PALM2AKAP2: variants seen among roughly 807,000 people sequenced by gnomAD.
PALM2AKAP2 encodes the protein PALM2 and AKAP2 fusion, also known as PALM2-AKAP2 fusion protein.
A neutral mutation model predicts 71.5 loss-of-function variants in PALM2AKAP2; 37 were observed. That is an observed-to-expected ratio of 0.52 (90% CI 0.40 to 0.68). The LOEUF (loss-of-function observed/expected upper bound fraction) is 0.68. PALM2AKAP2 is among the 30% of genes least tolerant of loss of function. The pLI, the probability that PALM2AKAP2 is intolerant of heterozygous loss-of-function variation, is 0.00. For missense variants in PALM2AKAP2, 1,224 were observed against 1,191.8 expected (o/e 1.03, Z -0.40); for synonymous variants, 468 against 478.8 (o/e 0.98, Z 0.29).
At chr9:109,744,473 C>G (rs1342780019) in intron 1 of PALM2AKAP2, among the ~76,000 whole-genome samples, 2 of 151,968 alleles carry the variant, frequency 1.3e-5, no homozygotes, top group African/African-American at 2.4e-5. Context: ...ATTTTCGGAG[C>G]CTAATTTTCT....
chr9:110,136,422 C>T, exon 2 of PALM2AKAP2: 1 of 1,614,188 alleles, frequency 6.2e-7, no homozygotes. Context: ...GTGCTAGAGG[C>T]CAACTGCTGT....
At chr9:109,649,479 G>C (rs1467486453) in intron 1 of PALM2AKAP2, among the ~76,000 whole-genome samples, 1 of 152,050 alleles carries the variant, frequency 6.6e-6, no homozygotes, top group Non-Finnish European at 1.5e-5. Context: ...TTCTGGCTTG[G>C]CTAGCACATT....
chr9:109,963,091 G>A (rs1211094572), intron 6 of PALM2AKAP2, among the ~76,000 whole-genome samples: 4 of 152,126 alleles, frequency 2.6e-5, no homozygotes, highest in Admixed American at 1.3e-4. Context: ...GGAGGAGTTC[G>A]GTTTGCACTT....
chr9:110,056,677 A>G (rs1458877572), intron 1 of PALM2AKAP2, among the ~76,000 whole-genome samples: 1 of 152,222 alleles, frequency 6.6e-6, no homozygotes, highest in Non-Finnish European at 1.5e-5. Flanking sequence ...GAAAAAATGA[A>G]CAGACTGTAT....
At chr9:110,113,290 G>A (rs1011212208) in intron 1 of PALM2AKAP2, among the ~76,000 whole-genome samples, 2 of 149,616 alleles carry the variant, frequency 1.3e-5, no homozygotes, top group African/African-American at 2.5e-5. Flanking sequence ...CCAGGCTGGA[G>A]TGCAGTGGTG....
intron 1 of PALM2AKAP2, among the ~76,000 whole-genome samples, chr9:110,058,596 G>A (rs148864702): frequency 7.5e-4 from 114 of 152,222 alleles, no homozygotes; most frequent in African/African-American, 2.3e-3. Flanking sequence ...GAACCAAAGC[G>A]CTGTTTCTAC....
chr9:109,761,184 CT>C, intron 1 of PALM2AKAP2, among the ~76,000 whole-genome samples: 1 of 152,264 alleles, frequency 6.6e-6, no homozygotes, highest in Middle Eastern at 3.4e-3. Context: ...AAAATCTAAT[CT>C]TATGGCATTT....
intron 1 of PALM2AKAP2, among the ~76,000 whole-genome samples, chr9:110,081,516 G>A (rs1003676081): frequency 3.9e-5 from 6 of 152,094 alleles, no homozygotes; most frequent in African/African-American, 9.7e-5. Flanking sequence ...TTACTCTCTG[G>A]TTTGGCAGGG....
At chr9:110,011,518 G>C (rs1010647073) in intron 6 of PALM2AKAP2, among the ~76,000 whole-genome samples, 1 of 152,160 alleles carries the variant, frequency 6.6e-6, no homozygotes, top group Non-Finnish European at 1.5e-5. Flanking sequence ...TTACAAATCA[G>C]CATTCTAAGC....
intron 1 of PALM2AKAP2, among the ~76,000 whole-genome samples, chr9:109,661,544 C>A (rs548312569): frequency 6.6e-6 from 1 of 152,246 alleles, no homozygotes; most frequent in East Asian, 1.9e-4. Context: ...GGTACCAGTA[C>A]CATGCTGTTT....
intron 3 of PALM2AKAP2, among the ~76,000 whole-genome samples, chr9:109,881,876 C>CTTTTTTTTTTTTTTTTTT (rs565835467): frequency 1.1e-5 from 1 of 95,116 alleles, no homozygotes; most frequent in Admixed American, 1.4e-4. Context: ...CTTATGAGCT[C>CTTTTTTTTTTTTTTTTTT]TTTTTTTTTT....
At chr9:109,764,862 A>G (rs1829124386) in intron 1 of PALM2AKAP2, among the ~76,000 whole-genome samples, 1 of 152,204 alleles carries the variant, frequency 6.6e-6, no homozygotes, top group African/African-American at 2.4e-5. Context: ...ATCATTTGGA[A>G]CTACAAGGTG....
Position 109,922,793 on chromosome 9 carries a change from A to G in PALM2AKAP2, c.258-942A>G, listed in dbSNP as rs371010698. Reference sequence around the variant, plus strand: ...TGGTAAGAGTTGCTCAATGGTTAGGAACAGGGTCTAGAGTCAGAGCACCTG... The same window carrying G: ...TGGTAAGAGTTGCTCAATGGTTAGGGACAGGGTCTAGAGTCAGAGCACCTG... On this transcript the variant is annotated intron_variant, in intron 3 of 9. Transcript: ENST00000302798. 5.3e-5 allele frequency among the ~76,000 whole-genome samples: 8 copies of G among 152,148 alleles called. No homozygotes were observed. In the East Asian group the frequency reaches 7.7e-4, roughly 15 times the overall value.
At chr9:109,877,158 G>A (rs1371753921) in intron 2 of PALM2AKAP2, among the ~76,000 whole-genome samples, 1 of 152,130 alleles carries the variant, frequency 6.6e-6, no homozygotes, top group Non-Finnish European at 1.5e-5. Context: ...CTTCCAGGAT[G>A]TCTATCCCCC....
At chr9:110,005,456 T>C (rs931020970) in intron 6 of PALM2AKAP2, among the ~76,000 whole-genome samples, 10 of 152,234 alleles carry the variant, frequency 6.6e-5, no homozygotes, top group Non-Finnish European at 1.5e-4. Flanking sequence ...GCCTCCCAGT[T>C]AGGCTACTCG....
intron 1 of PALM2AKAP2, among the ~76,000 whole-genome samples, chr9:109,657,623 A>G (rs192688356): frequency 4.5e-4 from 69 of 152,254 alleles, no homozygotes; most frequent in African/African-American, 1.6e-3. Flanking sequence ...GGAAACAGAA[A>G]CGGAAAGACA....
At chr9:109,688,283 A>C (rs1216456126) in intron 1 of PALM2AKAP2, among the ~76,000 whole-genome samples, 1 of 152,230 alleles carries the variant, frequency 6.6e-6, no homozygotes, top group African/African-American at 2.4e-5. Context: ...ACAATACAAT[A>C]AGGTATGCCT....
rs143752023 is a variant in PALM2AKAP2 at position 109,714,777 on chromosome 9, C to G, written c.6-65711C>G. Among the ~76,000 whole-genome samples, 567 of 152,290 alleles carry G rather than the reference C, an allele frequency of 3.7e-3. 3 individuals carry two copies. The highest frequency in any genetic ancestry group is 0.013 in the African/African-American group (548 of 41,560). ...GCCCCTCTCTAGGAATTGCCCTCAC[C>G]TGAAGGCAGCCACCTCCCAGGGCCA... On this transcript the variant is annotated intron_variant, in intron 1 of 6. Coordinates refer to the PALM2AKAP2 transcript ENST00000374531.
intron 6 of PALM2AKAP2, among the ~76,000 whole-genome samples, chr9:109,962,804 G>A (rs1831877516): frequency 1.3e-5 from 2 of 152,174 alleles, no homozygotes; most frequent in Non-Finnish European, 2.9e-5. Flanking sequence ...GACCAAGCCT[G>A]GCCAACTTTT....
Sources: allele counts gnomAD v4.1 joint callset (sites outside exome capture counted in the v4.1 genomes callset), GRCh38; gene constraint gnomAD v4.1.1; transcripts MANE v1.5; gene names NCBI Gene and HGNC (gene_info 2026-07-23, HGNC 2026-07-21).